The following KCNQ1 variants were observed in gnomAD, a reference collection of about 807,000 sequenced individuals.
The protein encoded by KCNQ1 is potassium voltage-gated channel subfamily KQT member 1.
A neutral mutation model predicts 72.4 loss-of-function variants in KCNQ1; 49 were observed. That is an observed-to-expected ratio of 0.68 (90% CI 0.54 to 0.86). The LOEUF is 0.86. KCNQ1 is among the 40% of genes least tolerant of loss of function. The pLI, the probability that KCNQ1 is intolerant of heterozygous loss-of-function variation, is 0.00. For synonymous variants in KCNQ1, 450 were observed against 412.6 expected, an observed-to-expected ratio of 1.09 and a Z score of -1.10; for missense variants, 790 against 945.1, an observed-to-expected ratio of 0.84 and a Z score of 2.15.
intron 15 of KCNQ1, among the ~76,000 whole-genome samples, chr11:2,838,157 C>G (rs1202516549): frequency 1.3e-5 from 2 of 152,248 alleles, no homozygotes; most frequent in Non-Finnish European, 2.9e-5. Context: ...GAAGCAAACA[C>G]CACCAGTAGG....
In KCNQ1 at chr11:2,664,470, C is replaced by T; in HGVS notation, c.1514+2389C>T. The T allele has an allele frequency of 2.5e-6, 1 of 398,734 alleles. No homozygotes were observed. The highest frequency in any genetic ancestry group is 3.6e-5 in the East Asian group (1 of 28,072). The allele number at this position is 398,734 out of a possible 1,614,324, so 24.7% of individuals were successfully genotyped here. A position where few individuals can be genotyped will look rare whatever the true frequency, so the allele number is the denominator to read the frequency against. ...CTGGGATACAGGCTGGGTAGAGGCC[C>T]CACTCCATCTGGGGGAGAAGGCTGG... is the stretch of plus-strand genomic sequence containing the variant. On this transcript the variant is annotated intron_variant, in intron 11 of 15. Coordinates refer to ENST00000155840, the MANE Select transcript of KCNQ1 (RefSeq NM_000218.3). This position sits in a 1 kb window ranked among gnomAD's most constrained non-coding sequence, Gnocchi z 5.1.
chr11:2,499,205 T>G (rs1846968922), intron 1 of KCNQ1, among the ~76,000 whole-genome samples: 1 of 152,194 alleles, frequency 6.6e-6, no homozygotes, highest in Non-Finnish European at 1.5e-5. Flanking sequence ...GATTTTGTTT[T>G]TTTGCTTGTT....
intron 11 of KCNQ1, among the ~76,000 whole-genome samples, chr11:2,731,769 C>T (rs568788733): frequency 1.3e-5 from 2 of 152,374 alleles, no homozygotes; most frequent in East Asian, 3.9e-4. Context: ...ACCCAGGAGG[C>T]TCCTATGGCC....
intron 15 of KCNQ1, among the ~76,000 whole-genome samples, chr11:2,804,496 G>C (rs576424184): frequency 6.6e-6 from 1 of 152,226 alleles, no homozygotes; most frequent in Non-Finnish European, 1.5e-5. Context: ...GAACAGAGCC[G>C]GCTGCTCCCC....
chr11:2,609,244 AGTAC>A (rs1052017852), intron 10 of KCNQ1: 3 of 398,300 alleles, frequency 7.5e-6, no homozygotes, highest in Middle Eastern at 6.3e-4. Flanking sequence ...TTAATCTCAA[AGTAC>A]GTTCCATTTC....
chr11:2,741,689 G>A (rs1846053386), intron 11 of KCNQ1, among the ~76,000 whole-genome samples: 1 of 152,310 alleles, frequency 6.6e-6, no homozygotes, highest in East Asian at 1.9e-4. Flanking sequence ...TCACCCCATC[G>A]CTGTGAGTGG....
chr11:2,528,850 C>T (rs1273125711), intron 2 of KCNQ1, among the ~76,000 whole-genome samples: 3 of 152,242 alleles, frequency 2.0e-5, no homozygotes, highest in Non-Finnish European at 2.9e-5. Flanking sequence ...CAGGGGAGCC[C>T]GTCCCTCCGG....
In KCNQ1 at chr11:2,593,759, C is replaced by T. The variant is rs1329124794; in HGVS notation, c.1393+4905C>T. On this transcript the variant is annotated intron_variant, in intron 10 of 15. Transcript: ENST00000155840. The surrounding 1 kb of genome is among the most constrained non-coding windows in gnomAD (Gnocchi z 6.9). ...AGGGTCAGGCTGTAGCCTCCTCCTG[C>T]TCCCGGCTCCGCGTCCTCAGCCCAA... is the stretch of plus-strand genomic sequence containing the variant. Among the ~76,000 whole-genome samples the T allele has an allele frequency of 6.6e-6, 1 of 152,176 alleles. No homozygotes were observed. Among genetic ancestry groups the T allele is most frequent in the African/African-American group, 2.4e-5 (1 of 41,446 alleles).
At chr11:2,731,199 G>T (rs1845853465) in intron 11 of KCNQ1, among the ~76,000 whole-genome samples, 1 of 152,164 alleles carries the variant, frequency 6.6e-6, no homozygotes, top group African/African-American at 2.4e-5. Context: ...CCCACTCGAG[G>T]GGGTGCTGAA....
intron 11 of KCNQ1, among the ~76,000 whole-genome samples, chr11:2,718,833 T>C (rs571964506): frequency 6.6e-6 from 1 of 152,360 alleles, no homozygotes; most frequent in African/African-American, 2.4e-5. Context: ...ATCTGAGAGC[T>C]GGCTAGGCAG....
rs1436617888 is a variant in KCNQ1, at chr11:2,659,627, T to C, written c.1394-2334T>C. The C allele has an allele frequency of 5.0e-6, 2 of 398,552 alleles. No homozygotes were observed. Among genetic ancestry groups the C allele is most frequent in the Non-Finnish European group, 8.8e-6 (2 of 226,024 alleles). The allele number at this position is 398,552 out of a possible 1,614,324, so 24.7% of individuals were successfully genotyped here. On this transcript the variant is annotated intron_variant, in intron 10 of 15. Coordinates refer to ENST00000155840, the MANE Select transcript of KCNQ1 (RefSeq NM_000218.3). This position sits in a 1 kb window ranked among gnomAD's most constrained non-coding sequence, Gnocchi z 4.3. ...TTCACTTGGGTGGGAAAGGAACCGA[T>C]AGGTCATGTGGTATGTGTATGTTTA...
rs1480656096 is a variant in KCNQ1, at chr11:2,515,937, A to AC, written c.387-11989dup. On this transcript the variant is annotated intron_variant, in intron 1 of 15. Transcript: ENST00000155840. The surrounding 1 kb of genome is among the most constrained non-coding windows in gnomAD (Gnocchi z 4.7). ...ACCCCTGTCCTCTGCTGAGGCCCTG[A>AC]CCACCTCTATGTGTGCCATGGCTGC... Among the ~76,000 whole-genome samples the AC allele has an allele frequency of 6.6e-6, 1 of 151,272 alleles. No individual in the cohort carries two copies. The highest frequency in any genetic ancestry group is 1.5e-5 in the Non-Finnish European group (1 of 67,822).
Position 2,450,174 on chromosome 11 carries a change from ACT to A in KCNQ1, c.386+4693_386+4694del, listed in dbSNP as rs1466785288. The stretch of plus-strand genomic sequence containing the variant: ...CTGCGATATCTTGCTGTGATTCAAG[ACT>A]CTGTCCACGGGCAAGAACAACAAGG... On this transcript the variant is annotated intron_variant, in intron 1 of 15. Coordinates refer to ENST00000155840, the MANE Select transcript of KCNQ1 (RefSeq NM_000218.3). This position sits in a 1 kb window ranked among gnomAD's most constrained non-coding sequence, Gnocchi z 7.9. 3.3e-5 allele frequency among the ~76,000 whole-genome samples: 5 copies of A among 151,854 alleles called. No homozygotes were observed. The highest frequency in any genetic ancestry group is 7.4e-5 in the Non-Finnish European group (5 of 67,950).
chr11:2,576,330 C>A (rs1848422294), intron 6 of KCNQ1, among the ~76,000 whole-genome samples: 3 of 152,206 alleles, frequency 2.0e-5, no homozygotes. Context: ...GATGTGAGAA[C>A]TCTCGAATCC....
rs147589038 is a variant in KCNQ1, at chr11:2,847,591, G to A, written c.1795-176G>A. Among the ~76,000 whole-genome samples, 40 of 152,316 alleles carry A rather than the reference G, an allele frequency of 2.6e-4. No individual in the cohort carries two copies. In the East Asian group the frequency reaches 4.2e-3, roughly 16 times the overall value. On this transcript the variant is annotated intron_variant, in intron 15 of 15. Coordinates refer to ENST00000155840, the MANE Select transcript of KCNQ1 (RefSeq NM_000218.3). Reference sequence around the variant, plus strand: ...GCACATTCCTTGCACACACACAGGCGCGACCGAGGGCCTTGCAGACATAGG... The same window carrying A: ...GCACATTCCTTGCACACACACAGGCACGACCGAGGGCCTTGCAGACATAGG...
At chr11:2,719,045 C>T (rs1431250519) in intron 11 of KCNQ1, among the ~76,000 whole-genome samples, 2 of 152,230 alleles carry the variant, frequency 1.3e-5, no homozygotes, top group Non-Finnish European at 2.9e-5. Context: ...ACCCCCCTCC[C>T]GCCCCTGAGT....
rs1849205783 is a variant in KCNQ1, at chr11:2,623,368, T to G, written c.1393+34514T>G. ...TATAGTATCATACAGATACGTATAT[T>G]TACATATATTTGTACATTTTCACTG... On this transcript the variant is annotated intron_variant, in intron 10 of 15. Transcript: ENST00000155840. The surrounding 1 kb of genome is among the most constrained non-coding windows in gnomAD (Gnocchi z 5.2). 2.5e-6 allele frequency: 1 copy of G among 398,496 alleles called. No individual in the cohort carries two copies. The highest frequency in any genetic ancestry group is 4.4e-5 in the Admixed American group (1 of 22,718). 24.7% of individuals were successfully genotyped at this position (398,496 alleles called of 1,614,324 possible).
chr11:2,445,011 G>A lies in KCNQ1; in HGVS notation c.-88G>A. 1 of 904,834 alleles carries A rather than the reference G, an allele frequency of 1.1e-6. No individual in the cohort carries two copies. The highest frequency in any genetic ancestry group is 1.3e-6 in the Non-Finnish European group (1 of 751,632). 56.1% of individuals were successfully genotyped at this position (904,834 alleles called of 1,614,324 possible). A position where few individuals can be genotyped will look rare whatever the true frequency, so the allele number is the denominator to read the frequency against. ...CCCCCGCGGCGGGGCTGGCAGCAGT[G>A]GCTGCCCGCACTGCGCCCGGGCGCT... On this transcript the variant is annotated 5_prime_UTR_variant, in exon 1 of 16. Transcript: ENST00000155840.
In KCNQ1 at chr11:2,848,079, G is replaced by A. The variant is rs1453214051; in HGVS notation, c.*76G>A. The A allele has an allele frequency of 8.1e-7, 1 of 1,234,964 alleles. No individual in the cohort carries two copies. The highest frequency in any genetic ancestry group is 2.5e-5 in the East Asian group (1 of 39,564). 76.5% of individuals were successfully genotyped at this position (1,234,964 alleles called of 1,614,324 possible). On this transcript the variant is annotated 3_prime_UTR_variant, in exon 16 of 16. Transcript: ENST00000155840. ...TGGCCCCACCTGGCCCTCTCTGAAGGAGGCCACCTCCTAAAAGGCCCAGAG... is the reference window on the plus strand; with the variant it reads ...TGGCCCCACCTGGCCCTCTCTGAAGAAGGCCACCTCCTAAAAGGCCCAGAG...
Sources: gnomAD v4.1 joint callset for allele counts (sites outside exome capture counted in the v4.1 genomes callset) on GRCh38, gnomAD v4.1.1 for gene constraint, Gnocchi (gnomAD v3.1) non-coding constraint, MANE v1.5 for transcripts, NCBI Gene and HGNC (gene_info 2026-07-23, HGNC 2026-07-21) for gene names.